FMN1: variants seen among roughly 807,000 people sequenced by gnomAD.
FMN1 encodes the protein formin-1.
FMN1 carries 110 observed loss-of-function variants against 132.4 expected under a neutral mutation model. The observed-to-expected ratio is 0.83, with a 90% confidence interval of 0.71 to 0.97. The LOEUF (loss-of-function observed/expected upper bound fraction) is 0.97. Ranked by LOEUF, FMN1 falls within the 50% of genes least tolerant of loss-of-function variation. The probability of loss-of-function intolerance (pLI) is 0.00; values close to 1 mark genes in which losing one functional copy is unlikely to be tolerated. For missense variants in FMN1, 1,792 were observed against 1,705.3 expected, an observed-to-expected ratio of 1.05 and a Z score of -0.90; for synonymous variants, 722 against 651.7, an observed-to-expected ratio of 1.11 and a Z score of -1.64.
chr15:33,028,209 G>A (rs982732815), intron 6 of FMN1, among the ~76,000 whole-genome samples: 1 of 152,154 alleles, frequency 6.6e-6, no homozygotes, highest in African/African-American at 2.4e-5. Flanking sequence ...AGCTTTCCAG[G>A]TGACTCTGAT....
At chr15:32,852,101 G>A (rs2141266992) in intron 17 of FMN1, among the ~76,000 whole-genome samples, 1 of 152,216 alleles carries the variant, frequency 6.6e-6, no homozygotes, top group South Asian at 2.1e-4. Flanking sequence ...TCATTCCTAT[G>A]ACTTGAACCT....
At chr15:32,823,908 C>G (rs1173103846) in intron 17 of FMN1, among the ~76,000 whole-genome samples, 2 of 152,208 alleles carry the variant, frequency 1.3e-5, no homozygotes, top group Non-Finnish European at 2.9e-5. Flanking sequence ...AGGCATGGAG[C>G]CTGGAGCTGT....
intron 7 of FMN1, among the ~76,000 whole-genome samples, chr15:32,984,765 T>C (rs2032945974): frequency 6.6e-6 from 1 of 152,096 alleles, no homozygotes; most frequent in Admixed American, 6.6e-5. Flanking sequence ...CTACACAAAT[T>C]GCATTAAGCA....
At chr15:33,194,186 G>T (rs1966183009) in intron 1 of FMN1, 126 bp from the exon 2 acceptor site, 1 of 101,720 alleles carries the variant, frequency 9.8e-6, no homozygotes, top group African/African-American at 4.2e-5. Flanking sequence ...AACACATCCA[G>T]CTTCAAAAAA....
intron 16 of FMN1, among the ~76,000 whole-genome samples, chr15:32,865,392 A>T (rs1257701872): frequency 2.6e-5 from 4 of 152,240 alleles, no homozygotes; most frequent in Non-Finnish European, 5.9e-5. Context: ...AAATAATTTT[A>T]AAAATCTTAG....
rs979121794 is a variant in FMN1, at chr15:32,838,907, C to T, written c.3928+18108G>A. ...CAGTCCCCATTATCTCATGCTTGCA[C>T]GACGATAGTCCAAAAGATGAGTGAT... On this transcript the variant is annotated intron_variant, in intron 17 of 20. Coordinates refer to ENST00000616417, the MANE Select transcript of FMN1 (RefSeq NM_001277313.2). 4.6e-5 allele frequency among the ~76,000 whole-genome samples: 7 copies of T among 152,140 alleles called. No homozygotes were observed. In the South Asian group the frequency reaches 8.3e-4, roughly 18 times the overall value.
At chr15:32,975,387 T>G (rs2032121491) in intron 7 of FMN1, among the ~76,000 whole-genome samples, 1 of 152,184 alleles carries the variant, frequency 6.6e-6, no homozygotes, top group African/African-American at 2.4e-5. Flanking sequence ...ATATTAAGAC[T>G]TCTTCATGCC....
At chr15:33,175,044 T>TTA (rs545747954) in intron 3 of FMN1, among the ~76,000 whole-genome samples, 28,260 of 151,760 alleles carry the variant, frequency 0.19, 3,155 homozygotes, top group Middle Eastern at 0.29. Flanking sequence ...TTTTTTTTTT[T>TTA]TAGACAGGGT....
rs374297575 is a variant in FMN1, at chr15:33,005,820, G to A, written c.2223+2194C>T. Among the ~76,000 whole-genome samples, 156 of 152,264 alleles carry A rather than the reference G, an allele frequency of 1.0e-3. 1 individual carries two copies. Among genetic ancestry groups the A allele is most frequent in the African/African-American group, 3.6e-3 (148 of 41,544 alleles). ...TACCAATTTCAGTTCCTCTGAGGCA[G>A]CTGACAATCTTTTTTCACATCAGAA... On this transcript the variant is annotated intron_variant, in intron 7 of 20. Coordinates refer to ENST00000616417, the MANE Select transcript of FMN1 (RefSeq NM_001277313.2).
chr15:33,029,115 T>A (rs1318345969), intron 6 of FMN1, among the ~76,000 whole-genome samples: 3 of 151,920 alleles, frequency 2.0e-5, no homozygotes, highest in South Asian at 2.1e-4. Flanking sequence ...AAGGACAGAG[T>A]CTCAGAGGTC....
At chr15:33,134,730 G>A (rs143706106) in intron 4 of FMN1, among the ~76,000 whole-genome samples, 3,522 of 152,252 alleles carry the variant, frequency 0.023, 135 homozygotes, top group African/African-American at 0.081. Flanking sequence ...GGCCAGGTGC[G>A]GTGGCTCACG....
intron 7 of FMN1, among the ~76,000 whole-genome samples, chr15:33,006,104 A>G (rs1209973721): frequency 2.0e-5 from 3 of 152,208 alleles, no homozygotes; most frequent in Admixed American, 1.3e-4. Context: ...TTATTTTTAA[A>G]AGCACATTAT....
intron 3 of FMN1, among the ~76,000 whole-genome samples, chr15:33,167,391 G>A (rs1267568566): frequency 6.6e-6 from 1 of 152,178 alleles, no homozygotes; most frequent in Non-Finnish European, 1.5e-5. Context: ...GTGTGGAACT[G>A]TGAGTCCATT....
At chr15:33,105,646 T>C (rs1038173355) in intron 4 of FMN1, 2 of 152,200 alleles carry the variant, frequency 1.3e-5, no homozygotes, top group African/African-American at 4.8e-5. Flanking sequence ...TATTTTCTTA[T>C]GTACTGTTTG....
chr15:32,882,599 G>C (rs1288051213), intron 16 of FMN1, among the ~76,000 whole-genome samples: 1 of 152,110 alleles, frequency 6.6e-6, no homozygotes, highest in East Asian at 1.9e-4. Context: ...ACTTCTAGTT[G>C]ACTTTATTAT....
chr15:33,101,370 A>T (rs1038813470), intron 4 of FMN1, among the ~76,000 whole-genome samples: 3 of 152,158 alleles, frequency 2.0e-5, no homozygotes, highest in African/African-American at 4.8e-5. Flanking sequence ...AGGGGTGTCT[A>T]ATCTTTTGGC....
chr15:33,163,397 C>T (rs141068365), intron 3 of FMN1, among the ~76,000 whole-genome samples: 4,882 of 151,386 alleles, frequency 0.032, 295 homozygotes, highest in African/African-American at 0.11. Context: ...TGGATTCAAG[C>T]GATTCTCCTG....
Position 32,823,152 on chromosome 15 carries a change from GTTTTTTTTT to G in FMN1, c.3929-18829_3929-18821del, listed in dbSNP as rs373185751. On this transcript the variant is annotated intron_variant, in intron 17 of 20. Transcript: ENST00000616417. ...GTCTCAAAGACAGAGAGTTTCTACTGTTTTTTTTTTTTTTTTTTTTTTTTTTTGAGACAG... is the reference window on the plus strand; with the variant it reads ...GTCTCAAAGACAGAGAGTTTCTACTGTTTTTTTTTTTTTTTTTTGAGACAG... Among the ~76,000 whole-genome samples, 571 of 86,218 alleles carry G rather than the reference GTTTTTTTTT, an allele frequency of 6.6e-3. 13 individuals carry two copies. The highest frequency in any genetic ancestry group is 0.028 in the African/African-American group (518 of 18,740). 56.6% of individuals were successfully genotyped at this position (86,218 alleles called of 152,430 possible).
intron 3 of FMN1, among the ~76,000 whole-genome samples, chr15:33,174,254 T>G (rs1965434226): frequency 6.6e-6 from 1 of 152,202 alleles, no homozygotes; most frequent in South Asian, 2.1e-4. Context: ...AGGTTTGCTA[T>G]CATTGAACAT....
Sources: gnomAD v4.1 joint callset for allele counts (sites outside exome capture counted in the v4.1 genomes callset) on GRCh38, gnomAD v4.1.1 for gene constraint, MANE v1.5 for transcripts, NCBI Gene and HGNC (gene_info 2026-07-23, HGNC 2026-07-21) for gene names.